Variants in RAB38 observed in about 807,000 individuals in gnomAD.
RAB38 encodes the protein ras-related protein Rab-38.
Under a neutral mutation model 18.4 loss-of-function variants are expected in RAB38, and 15 were observed. The ratio of observed to expected loss-of-function variants is 0.82; its 90% confidence interval spans 0.55 to 1.26. The LOEUF is 1.26. Ranked by LOEUF, RAB38 falls within the 50% of genes most tolerant of loss-of-function variation. RAB38 has a pLI of 0.00. For missense variants in RAB38, 294 were observed against 267.4 expected (o/e 1.10, Z -0.69); for synonymous variants, 101 against 104.4 (o/e 0.97, Z 0.20).
At chr11:87,974,386 C>A in the RAB38 span, among the ~76,000 whole-genome samples, 1 of 151,508 alleles carries the variant, frequency 6.6e-6, no homozygotes, top group African/African-American at 2.4e-5. Context: ...GGCTTAACAG[C>A]AGATTTGATA....
the RAB38 span, among the ~76,000 whole-genome samples, chr11:87,937,793 G>A: frequency 6.7e-6 from 1 of 150,334 alleles, no homozygotes; most frequent in Non-Finnish European, 1.5e-5. Context: ...TTACTTCACT[G>A]GCAGTTTCTA....
the RAB38 span, among the ~76,000 whole-genome samples, chr11:87,925,777 G>A: frequency 6.6e-6 from 1 of 151,980 alleles, no homozygotes; most frequent in East Asian, 1.9e-4. Context: ...TCCAATTATA[G>A]GATGGGCTGT....
the RAB38 span, among the ~76,000 whole-genome samples, chr11:88,007,365 T>TAAA: frequency 2.6e-5 from 4 of 151,552 alleles, no homozygotes; most frequent in Admixed American, 6.6e-5. Flanking sequence ...AAAGTACATA[T>TAAA]ACTTATATTT....
chr11:87,819,451 A>AT, the RAB38 span, among the ~76,000 whole-genome samples: 13 of 151,428 alleles, frequency 8.6e-5, no homozygotes, highest in East Asian at 3.9e-4. Context: ...ACATAACAGG[A>AT]TTTTTTTTTA....
chr11:88,023,831 T>G, the RAB38 span, among the ~76,000 whole-genome samples: 37 of 152,138 alleles, frequency 2.4e-4, no homozygotes, highest in African/African-American at 8.9e-4. Flanking sequence ...CTGGGAAAAC[T>G]GGATATCCCT....
chr11:88,174,043 TG>T (rs1943345425), intron 1 of RAB38: 1 of 985,326 alleles, frequency 1.0e-6, no homozygotes, highest in African/African-American at 1.7e-5. Context: ...GAAAGGTTCC[TG>T]GTGTCACAGA....
intron 1 of RAB38, among the ~76,000 whole-genome samples, chr11:88,172,860 C>T (rs1943326082): frequency 6.6e-6 from 1 of 152,224 alleles, no homozygotes; most frequent in Non-Finnish European, 1.5e-5. Context: ...ATCTATAATT[C>T]AGCTAACAGG....
the RAB38 span, among the ~76,000 whole-genome samples, chr11:87,946,344 G>GTCTT: frequency 6.6e-6 from 1 of 152,108 alleles, no homozygotes; most frequent in Non-Finnish European, 1.5e-5. Flanking sequence ...TTGGAATTCA[G>GTCTT]TCTTTGATTT....
chr11:87,976,951 ATAATTACATTATACAAGT>A, the RAB38 span, among the ~76,000 whole-genome samples: 27 of 31,238 alleles, frequency 8.6e-4, 8 homozygotes, highest in African/African-American at 2.0e-3. Context: ...ATTATAAAAT[ATAATTACATTATACAAGT>A]ATATTATAAA....
the RAB38 span, among the ~76,000 whole-genome samples, chr11:87,838,197 C>T: frequency 2.0e-5 from 3 of 152,000 alleles, no homozygotes; most frequent in Non-Finnish European, 4.4e-5. Context: ...TCACTGCAAG[C>T]TCTGACTCCT....
At chr11:87,955,944 A>G in the RAB38 span, among the ~76,000 whole-genome samples, 1 of 151,952 alleles carries the variant, frequency 6.6e-6, no homozygotes, top group Admixed American at 6.6e-5. Flanking sequence ...TTCTCTTAAC[A>G]AGACATGTCA....
the RAB38 span, among the ~76,000 whole-genome samples, chr11:88,064,967 G>T: frequency 6.6e-6 from 1 of 152,176 alleles, no homozygotes; most frequent in Non-Finnish European, 1.5e-5. Flanking sequence ...CATTTTCAGA[G>T]ATCTGTATCT....
chr11:88,162,768 C>T (rs1426927), intron 1 of RAB38, among the ~76,000 whole-genome samples: 36,091 of 151,932 alleles, frequency 0.24, 4,361 homozygotes, highest in Admixed American at 0.27. Context: ...TTTCTGAGGT[C>T]GCACTCTTAG....
chr11:87,977,745 T>C, the RAB38 span, among the ~76,000 whole-genome samples: 483 of 8,580 alleles, frequency 0.056, 2 homozygotes, highest in Admixed American at 0.071. Context: ...TTATATATTC[T>C]ATAATATATA....
At chr11:88,055,919 TGTTTA>T in the RAB38 span, among the ~76,000 whole-genome samples, 2 of 152,194 alleles carry the variant, frequency 1.3e-5, no homozygotes, top group East Asian at 1.9e-4. Flanking sequence ...GAATACAACT[TGTTTA>T]GTTTAGTTTA....
At chr11:87,928,393 A>G in the RAB38 span, among the ~76,000 whole-genome samples, 1 of 152,082 alleles carries the variant, frequency 6.6e-6, no homozygotes, top group African/African-American at 2.4e-5. Flanking sequence ...AGTTCTTTTA[A>G]TTCAGTCTCC....
chr11:88,168,760 A>C (rs1943273628), intron 1 of RAB38, among the ~76,000 whole-genome samples: 1 of 152,200 alleles, frequency 6.6e-6, no homozygotes, highest in South Asian at 2.1e-4. Flanking sequence ...CAAGAAGACC[A>C]CAATAGGAGA....
At chr11:88,020,461 T>C in the RAB38 span, among the ~76,000 whole-genome samples, 1 of 152,216 alleles carries the variant, frequency 6.6e-6, no homozygotes, top group Non-Finnish European at 1.5e-5. Flanking sequence ...AAACCATTTA[T>C]TATTAGAGCT....
the RAB38 span, among the ~76,000 whole-genome samples, chr11:87,893,386 A>ATT: frequency 3.5e-4 from 32 of 92,604 alleles, no homozygotes; most frequent in Non-Finnish European, 4.7e-4. Context: ...ATATATATAT[A>ATT]TATATTTTTT....
Sources: gnomAD v4.1 joint callset for allele counts (sites outside exome capture counted in the v4.1 genomes callset) on GRCh38, gnomAD v4.1.1 for gene constraint, MANE v1.5 for transcripts, NCBI Gene and HGNC (gene_info 2026-07-23, HGNC 2026-07-21) for gene names.